Variants in ROBO1 observed in about 807,000 individuals in gnomAD.
ROBO1 encodes the protein roundabout homolog 1.
In ROBO1, 149 loss-of-function variants were observed where a neutral mutation model predicts 195.9. The observed-to-expected ratio is 0.76, with a 90% CI of 0.67 to 0.87. The LOEUF is 0.87. ROBO1 is among the 40% of genes least tolerant of loss of function. ROBO1 has a pLI of 0.00. For missense variants in ROBO1, 1,933 were observed against 2,068.3 expected (o/e 0.93, Z 1.27); for synonymous variants, 816 against 733.2 (o/e 1.11, Z -1.82).
At chr3:79,735,386 G>A (rs571215338) in intron 1 of ROBO1, among the ~76,000 whole-genome samples, 1 of 152,234 alleles carries the variant, frequency 6.6e-6, no homozygotes, top group East Asian at 1.9e-4. Context: ...GAAATAGATG[G>A]CTGGGAGGCA....
chr3:79,538,297 T>C (rs969045174), intron 2 of ROBO1, among the ~76,000 whole-genome samples: 1 of 152,176 alleles, frequency 6.6e-6, no homozygotes, highest in Non-Finnish European at 1.5e-5. Flanking sequence ...ATAGTTCATT[T>C]TCCAAGAGAT....
At chr3:79,450,392 A>G (rs2039402798) in intron 2 of ROBO1, among the ~76,000 whole-genome samples, 1 of 151,934 alleles carries the variant, frequency 6.6e-6, no homozygotes, top group Non-Finnish European at 1.5e-5. Context: ...AGAAAGGGAA[A>G]GTAAGAAAAA....
At chr3:79,202,118 ATTATT>A (rs2108781038) in intron 2 of ROBO1, among the ~76,000 whole-genome samples, 1 of 151,994 alleles carries the variant, frequency 6.6e-6, no homozygotes, top group South Asian at 2.1e-4. Flanking sequence ...AGAATGCCAT[ATTATT>A]TTCATTTACT....
chr3:79,076,831 G>A (rs150215818), intron 3 of ROBO1, among the ~76,000 whole-genome samples: 58 of 151,800 alleles, frequency 3.8e-4, no homozygotes, highest in African/African-American at 1.3e-3. Context: ...AATAGATAAC[G>A]TTGTAGAGGG....
At chr3:78,678,102 C>T (rs188628841) in intron 10 of ROBO1, among the ~76,000 whole-genome samples, 1 of 148,636 alleles carries the variant, frequency 6.7e-6, no homozygotes, top group Non-Finnish European at 1.5e-5. Context: ...TGAAGGCAGA[C>T]ATAAAGATGT....
At chr3:78,884,695 GGAAGGAAGGAAA>G (rs2036428155) in intron 4 of ROBO1, among the ~76,000 whole-genome samples, 6 of 126,282 alleles carry the variant, frequency 4.8e-5, no homozygotes, top group African/African-American at 2.0e-4. Flanking sequence ...AAGGAAGGAA[GGAAGGAAGGAAA>G]GAAAGAAGGA....
chr3:79,208,013 T>C (rs945458185), intron 2 of ROBO1, among the ~76,000 whole-genome samples: 3 of 152,208 alleles, frequency 2.0e-5, no homozygotes, highest in African/African-American at 7.2e-5. Flanking sequence ...AAAAAAGTTT[T>C]ATTTGTAAAA....
intron 2 of ROBO1, among the ~76,000 whole-genome samples, chr3:79,171,357 C>G (rs2081161959): frequency 7.3e-6 from 1 of 136,628 alleles, no homozygotes; most frequent in Non-Finnish European, 1.5e-5. Context: ...CTCAACTTGA[C>G]ATTTGATGAT....
At chr3:79,210,644 A>G (rs2081952105) in intron 2 of ROBO1, among the ~76,000 whole-genome samples, 1 of 152,138 alleles carries the variant, frequency 6.6e-6, no homozygotes, top group Non-Finnish European at 1.5e-5. Context: ...AGTTAGCATG[A>G]AGGATAGGAG....
intron 5 of ROBO1, 143 bp downstream of exon 5, chr3:78,746,600 T>C: frequency 1.7e-6 from 1 of 574,102 alleles, no homozygotes; most frequent in South Asian, 6.7e-5. Context: ...TTGAAATATA[T>C]ATTTTTTAAA....
At chr3:78,730,984 G>T (rs2082273108) in intron 5 of ROBO1, among the ~76,000 whole-genome samples, 1 of 152,012 alleles carries the variant, frequency 6.6e-6, no homozygotes, top group Non-Finnish European at 1.5e-5. Flanking sequence ...AGGTACTTTT[G>T]CTATTTCCTG....
At chr3:78,834,638 T>C (rs1576257895) in intron 4 of ROBO1, among the ~76,000 whole-genome samples, 1 of 151,840 alleles carries the variant, frequency 6.6e-6, no homozygotes, top group African/African-American at 2.4e-5. Flanking sequence ...CTTTGAAAAA[T>C]ATAAACCAAG....
At chr3:79,302,148 C>T (rs745996722) in intron 2 of ROBO1, among the ~76,000 whole-genome samples, 1 of 152,164 alleles carries the variant, frequency 6.6e-6, no homozygotes, top group Non-Finnish European at 1.5e-5. Flanking sequence ...GAACTATACA[C>T]GCTATCCACA....
chr3:79,375,535 G>A (rs993896496), intron 2 of ROBO1, among the ~76,000 whole-genome samples: 1 of 152,170 alleles, frequency 6.6e-6, no homozygotes, highest in African/African-American at 2.4e-5. Flanking sequence ...CAGTGGCCCT[G>A]AAGATAATTA....
intron 4 of ROBO1, among the ~76,000 whole-genome samples, chr3:78,835,874 A>G (rs897129398): frequency 6.6e-6 from 1 of 152,216 alleles, no homozygotes; most frequent in African/African-American, 2.4e-5. Context: ...GACATTGTCC[A>G]TATCATCTTA....
At chr3:79,058,422 C>A (rs1218408074) in intron 3 of ROBO1, among the ~76,000 whole-genome samples, 1 of 152,002 alleles carries the variant, frequency 6.6e-6, no homozygotes, top group East Asian at 1.9e-4. Context: ...ATGATACTCC[C>A]CATTCTGAGC....
chr3:79,223,528 C>G (rs992195460), intron 2 of ROBO1, among the ~76,000 whole-genome samples: 2 of 152,068 alleles, frequency 1.3e-5, no homozygotes, highest in African/African-American at 4.8e-5. Context: ...ATTCTGGGAC[C>G]AATTCTTTCT....
chr3:78,872,218 C>G (rs2035593009), intron 4 of ROBO1, among the ~76,000 whole-genome samples: 1 of 152,128 alleles, frequency 6.6e-6, no homozygotes, highest in South Asian at 2.1e-4. Flanking sequence ...CTGACCATCC[C>G]CCTCCATTTC....
chr3:78,630,885 T>C (rs1705137266), intron 25 of ROBO1, among the ~76,000 whole-genome samples: 1 of 152,196 alleles, frequency 6.6e-6, no homozygotes, highest in Admixed American at 6.5e-5. Context: ...ATATGTTAAA[T>C]TACGTATACA....
Sources: gnomAD v4.1 joint callset for allele counts (sites outside exome capture counted in the v4.1 genomes callset) on GRCh38, gnomAD v4.1.1 for gene constraint, MANE v1.5 for transcripts, NCBI Gene and HGNC (gene_info 2026-07-23, HGNC 2026-07-21) for gene names.